KAZN: variants seen among roughly 807,000 people sequenced by gnomAD.
The protein encoded by KAZN is kazrin, periplakin interacting protein.
KAZN carries 40 observed loss-of-function variants against 87.4 expected under a neutral mutation model. That is an observed-to-expected ratio of 0.46 (90% CI 0.36 to 0.60). KAZN has a LOEUF of 0.60. KAZN is among the 20% of genes least tolerant of loss of function. KAZN has a pLI of 0.00. For missense variants in KAZN, 898 were observed against 1,073.9 expected (o/e 0.84, Z 2.29); for synonymous variants, 466 against 458.3 (o/e 1.02, Z -0.22).
At chr1:13,990,707 A>G (rs1639237575) in intron 1 of KAZN, among the ~76,000 whole-genome samples, 1 of 152,222 alleles carries the variant, frequency 6.6e-6, no homozygotes, top group Admixed American at 6.5e-5. Context: ...AAAAATCTGA[A>G]CTTAATCATA....
At chr1:13,980,137 A>G (rs1638591447) in intron 1 of KAZN, among the ~76,000 whole-genome samples, 1 of 152,140 alleles carries the variant, frequency 6.6e-6, no homozygotes, top group Non-Finnish European at 1.5e-5. Context: ...TGCTAAGACA[A>G]TAATGCAATA....
At chr1:14,538,380 A>T (rs577428052) in intron 2 of KAZN, among the ~76,000 whole-genome samples, 1 of 152,334 alleles carries the variant, frequency 6.6e-6, no homozygotes, top group East Asian at 1.9e-4. Context: ...TTTGTGCTAT[A>T]ACAACATACC....
chr1:14,255,055 G>A (rs1650382733), intron 2 of KAZN, among the ~76,000 whole-genome samples: 1 of 150,468 alleles, frequency 6.6e-6, no homozygotes. Flanking sequence ...GGGAGGCAGA[G>A]GTTGCAGTGA....
chr1:15,086,260 C>T lies in KAZN; in HGVS notation c.1223-7920C>T, dbSNP rs540220760. Among the ~76,000 whole-genome samples the T allele has an allele frequency of 2.0e-5, 3 of 152,304 alleles. No individual in the cohort carries two copies. In the South Asian group the frequency reaches 6.2e-4, roughly 32 times the overall value. On this transcript the variant is annotated intron_variant, in intron 8 of 14. Transcript: ENST00000376030. The stretch of plus-strand genomic sequence containing the variant: ...TGCTGGGATTACAGGCATGAGCCAC[C>T]ATGCCTGGCTGACAAAGAGAAAATT...
chr1:14,823,971 G>A (rs945764627), intron 1 of KAZN, among the ~76,000 whole-genome samples: 24 of 152,120 alleles, frequency 1.6e-4, no homozygotes, highest in Admixed American at 3.9e-4. Context: ...AAAATTAGCC[G>A]GGCATGCTGG....
At chr1:14,667,838 A>G (rs1235719218) in intron 1 of KAZN, among the ~76,000 whole-genome samples, 1 of 151,926 alleles carries the variant, frequency 6.6e-6, no homozygotes, top group Non-Finnish European at 1.5e-5. Context: ...AAATAATTTC[A>G]TTTTCAGATT....
At chr1:14,596,639 A>C (rs979057998), upstream of KAZN, among the ~76,000 whole-genome samples, 3 of 152,176 alleles carry the variant, frequency 2.0e-5, no homozygotes, top group Admixed American at 6.5e-5. Flanking sequence ...ACAAACACCA[A>C]TCTGCTTCCT....
chr1:14,310,962 T>C (rs13375455), intron 2 of KAZN, among the ~76,000 whole-genome samples: 16,713 of 152,208 alleles, frequency 0.11, 976 homozygotes, highest in East Asian at 0.22. Context: ...GGCGGTGTTT[T>C]AGAAGTTCCA....
Position 14,883,318 on chromosome 1 carries a change from A to AAGAGAGAGAGAGAGAGAGAGAG in KAZN, c.227-77362_227-77341dup, listed in dbSNP as rs1219653139. 1.0e-3 allele frequency among the ~76,000 whole-genome samples: 39 copies of AAGAGAGAGAGAGAGAGAGAGAG among 38,590 alleles called. 3 individuals carry two copies. Among genetic ancestry groups the AAGAGAGAGAGAGAGAGAGAGAG allele is most frequent in the East Asian group, 1.8e-3 (1 of 550 alleles). 25.3% of individuals were successfully genotyped at this position (38,590 alleles called of 152,430 possible). The stretch of plus-strand genomic sequence containing the variant: ...CTCAAAAGAAAGAAAGAAAGAAAGA[A>AAGAGAGAGAGAGAGAGAGAGAG]AGAGAGAGAGAGAGAGAGAGAGAGA... On this transcript the variant is annotated intron_variant, in intron 1 of 14. Coordinates refer to ENST00000376030, the MANE Select transcript of KAZN (RefSeq NM_201628.3).
intron 2 of KAZN, among the ~76,000 whole-genome samples, chr1:14,331,623 A>T (rs1224218058): frequency 1.3e-5 from 2 of 152,108 alleles, no homozygotes; most frequent in Non-Finnish European, 2.9e-5. Flanking sequence ...TTGGTCTATA[A>T]AGGGGCCTCT....
intron 2 of KAZN, among the ~76,000 whole-genome samples, chr1:14,551,654 T>G (rs1673529754): frequency 6.6e-6 from 1 of 152,194 alleles, no homozygotes; most frequent in Non-Finnish European, 1.5e-5. Context: ...CTTGAGATAT[T>G]GGTGAGTTAG....
chr1:14,752,904 C>G (rs1209910109), intron 1 of KAZN, among the ~76,000 whole-genome samples: 1 of 152,198 alleles, frequency 6.6e-6, no homozygotes, highest in Non-Finnish European at 1.5e-5. Flanking sequence ...AGTTTCAGTG[C>G]AGCCCAGCTG....
chr1:14,530,050 C>A (rs1424971052), intron 2 of KAZN, among the ~76,000 whole-genome samples: 2 of 152,260 alleles, frequency 1.3e-5, no homozygotes, highest in African/African-American at 2.4e-5. Context: ...CCAGATGGCA[C>A]CAGCTGCTCT....
At chr1:13,992,185 T>C (rs1159053072) in intron 1 of KAZN, among the ~76,000 whole-genome samples, 1 of 152,248 alleles carries the variant, frequency 6.6e-6, no homozygotes, top group African/African-American at 2.4e-5. Context: ...CCTGCTAGAC[T>C]GTAGGCACCC....
chr1:14,903,225 G>A (rs1656131222), intron 1 of KAZN, among the ~76,000 whole-genome samples: 1 of 152,080 alleles, frequency 6.6e-6, no homozygotes, highest in Non-Finnish European at 1.5e-5. Context: ...CAAGTATAGG[G>A]AAGGCAAGAA....
intron 2 of KAZN, among the ~76,000 whole-genome samples, chr1:14,325,667 T>C (rs1656358727): frequency 6.6e-6 from 1 of 152,254 alleles, no homozygotes; most frequent in African/African-American, 2.4e-5. Context: ...CACAGGAGGA[T>C]TTCAATAAAA....
rs948991772 is a variant in KAZN at position 14,246,490 on chromosome 1, CTTTTTA to C, written c.249+65904_249+65909del. Among the ~76,000 whole-genome samples, 15 of 144,082 alleles carry C rather than the reference CTTTTTA, an allele frequency of 1.0e-4. 1 individual carries two copies. The highest frequency in any genetic ancestry group is 2.9e-4 in the African/African-American group (12 of 41,062). The allele number at this position is 144,082 out of a possible 152,430, so 94.5% of individuals were successfully genotyped here. On this transcript the variant is annotated intron_variant, in intron 2 of 16. Coordinates refer to the KAZN transcript ENST00000636203. ...AATTGTAAGGATTTTTTCATATAAT[CTTTTTA>C]TTTTTTGTTTTGGGAAGCTATGAAA...
intron 1 of KAZN, among the ~76,000 whole-genome samples, chr1:14,831,286 C>A (rs541826354): frequency 2.1e-4 from 32 of 152,330 alleles, no homozygotes; most frequent in African/African-American, 7.2e-4. Context: ...GTCCTCCACC[C>A]AGGATGGAAC....
chr1:14,364,254 G>A (rs1339450407), intron 2 of KAZN, among the ~76,000 whole-genome samples: 1 of 152,092 alleles, frequency 6.6e-6, no homozygotes, highest in Non-Finnish European at 1.5e-5. Context: ...CAGAGTCACT[G>A]GGTTAAAACT....
Sources: gnomAD v4.1 joint callset for allele counts (sites outside exome capture counted in the v4.1 genomes callset) on GRCh38, gnomAD v4.1.1 for gene constraint, MANE v1.5 for transcripts, NCBI Gene and HGNC (gene_info 2026-07-23, HGNC 2026-07-21) for gene names.